Variants in PRKAG2 observed in about 807,000 individuals in gnomAD.
PRKAG2 encodes the protein 5'-AMP-activated protein kinase subunit gamma-2.
In PRKAG2, 26 loss-of-function variants were observed where a neutral mutation model predicts 69.6. The observed-to-expected ratio is 0.37, with a 90% CI of 0.27 to 0.52. The LOEUF (loss-of-function observed/expected upper bound fraction) is 0.52. PRKAG2 is among the 20% of genes least tolerant of loss of function. The pLI is 0.90. For synonymous variants in PRKAG2, 293 were observed against 285.0 expected (o/e 1.03, Z -0.28); for missense variants, 557 against 740.0 (o/e 0.75, Z 2.87).
At chr7:151,815,103 G>C (rs2078601835) in intron 1 of PRKAG2, among the ~76,000 whole-genome samples, 3 of 152,130 alleles carry the variant, frequency 2.0e-5, no homozygotes, top group Non-Finnish European at 2.9e-5. Flanking sequence ...CAAAGATTGT[G>C]GGGGTTTTTT....
intron 4 of PRKAG2, among the ~76,000 whole-genome samples, chr7:151,672,322 C>T (rs1412045409): frequency 6.6e-6 from 1 of 150,630 alleles, no homozygotes; most frequent in African/African-American, 2.4e-5. Flanking sequence ...AGGATGGTCT[C>T]GATCTCTCGT....
At chr7:151,840,104 C>G (rs1251648424) in intron 1 of PRKAG2, among the ~76,000 whole-genome samples, 1 of 152,206 alleles carries the variant, frequency 6.6e-6, no homozygotes, top group Non-Finnish European at 1.5e-5. Context: ...TTACATTTTA[C>G]ATTACGTTTG....
intron 15 of PRKAG2, chr7:151,557,694 A>G: frequency 1.9e-6 from 1 of 514,094 alleles, no homozygotes. Flanking sequence ...ACATGGTGAA[A>G]CCCTGTCTCT....
chr7:151,799,947 T>C (rs1193249867), intron 1 of PRKAG2, among the ~76,000 whole-genome samples: 1 of 152,198 alleles, frequency 6.6e-6, no homozygotes, highest in Non-Finnish European at 1.5e-5. Context: ...TTTAAAATTT[T>C]ACTTTTTAGT....
chr7:151,715,322 CAAAAAAA>C (rs34971340), intron 3 of PRKAG2, among the ~76,000 whole-genome samples: 6 of 62,444 alleles, frequency 9.6e-5, no homozygotes, highest in South Asian at 5.5e-4. Flanking sequence ...GGCCTAAAAG[CAAAAAAA>C]AAAAAAAAAA....
chr7:151,617,384 T>C (rs1820437210), intron 5 of PRKAG2, among the ~76,000 whole-genome samples: 1 of 150,322 alleles, frequency 6.7e-6, no homozygotes, highest in East Asian at 2.0e-4. Flanking sequence ...ATAATCCGAG[T>C]GTGGGGAAGT....
intron 1 of PRKAG2, among the ~76,000 whole-genome samples, chr7:151,815,763 A>G (rs11768925): frequency 0.2 from 30,151 of 152,144 alleles, 3,588 homozygotes; most frequent in Middle Eastern, 0.29. Flanking sequence ...TGGGGCAGAA[A>G]ATGAACTTGA....
At chr7:151,840,736 G>A (rs1469534820) in intron 1 of PRKAG2, among the ~76,000 whole-genome samples, 2 of 152,248 alleles carry the variant, frequency 1.3e-5, no homozygotes, top group Admixed American at 6.5e-5. Context: ...CAGGGGCTCC[G>A]GCCCCAAGCC....
intron 15 of PRKAG2, 88 bp from the exon 16 acceptor site, chr7:151,557,320 G>C: frequency 6.2e-7 from 1 of 1,612,574 alleles, no homozygotes; most frequent in South Asian, 1.1e-5. Flanking sequence ...GTCTGGCAGT[G>C]CCTTAGGAGG....
intron 3 of PRKAG2, among the ~76,000 whole-genome samples, chr7:151,750,626 G>A (rs1032988934): frequency 6.6e-6 from 1 of 152,138 alleles, no homozygotes. Context: ...GAGGGCTAAG[G>A]GATGTGAGGT....
At chr7:151,863,274 A>G (rs1196127281) in intron 1 of PRKAG2, among the ~76,000 whole-genome samples, 3 of 151,924 alleles carry the variant, frequency 2.0e-5, no homozygotes, top group Non-Finnish European at 4.4e-5. Flanking sequence ...TACAGGGAGC[A>G]CTGGTAGCCA....
chr7:151,665,098 C>T (rs904680923), intron 4 of PRKAG2, among the ~76,000 whole-genome samples: 1 of 152,144 alleles, frequency 6.6e-6, no homozygotes. Flanking sequence ...GCAGGATGCA[C>T]CCTTCAATGG....
At chr7:151,769,131 A>G (rs193089297) in intron 3 of PRKAG2, among the ~76,000 whole-genome samples, 70 of 152,344 alleles carry the variant, frequency 4.6e-4, no homozygotes, top group African/African-American at 1.7e-3. Context: ...AAGAGTCACA[A>G]GAAGAAACTA....
Position 151,564,199 on chromosome 7 carries a change from T to C in PRKAG2, c.1463A>G (p.Asn488Ser), listed in dbSNP as rs121908989. 6.2e-7 allele frequency: 1 copy of C among 1,614,166 alleles called. No homozygotes were observed. The highest frequency in any genetic ancestry group is 1.7e-5 in the Admixed American group (1 of 60,032). ...CTGGGTCACCGTGATATCTAGGTTATTGTATGTTTTCTCAGCAGCAAGATT... is the reference window on the plus strand; with the variant it reads ...CTGGGTCACCGTGATATCTAGGTTACTGTATGTTTTCTCAGCAGCAAGATT... ...VINLAAEKTY[N>S]NLDITVTQAL... Residue 488 changes from asparagine (N) to serine (S), a missense_variant, in exon 14 of 16, where the codon AAT (asparagine) becomes AGT (serine). Asn to Ser is a conservative substitution (Grantham distance 46). This residue lies in a region of PRKAG2 where 205 missense variants were observed against 383.4 expected (regional missense o/e 0.53). Coordinates refer to ENST00000287878, the MANE Select transcript of PRKAG2 (RefSeq NM_016203.4).
At chr7:151,578,770 G>A (rs1391262110) in intron 6 of PRKAG2, among the ~76,000 whole-genome samples, 1 of 152,130 alleles carries the variant, frequency 6.6e-6, no homozygotes, top group Non-Finnish European at 1.5e-5. Context: ...TATCAAAAAG[G>A]CACCAAAATA....
intron 3 of PRKAG2, chr7:151,736,441 C>G: frequency 1.1e-6 from 1 of 943,118 alleles, no homozygotes; most frequent in Non-Finnish European, 1.3e-6. Context: ...ACCAGATAGG[C>G]AAAGGAGGCA....
chr7:151,618,850 T>G (rs909736257), intron 5 of PRKAG2, among the ~76,000 whole-genome samples: 21 of 152,180 alleles, frequency 1.4e-4, no homozygotes, highest in African/African-American at 4.6e-4. Context: ...TTAAACATAA[T>G]TTTACAGGAT....
Position 151,777,433 on chromosome 7 carries a change from G to A in PRKAG2, c.466+3719C>T, listed in dbSNP as rs186909578. On this transcript the variant is annotated intron_variant, in intron 3 of 15. Coordinates refer to ENST00000287878, the MANE Select transcript of PRKAG2 (RefSeq NM_016203.4). The surrounding 1 kb of genome is among the most constrained non-coding windows in gnomAD (Gnocchi z 4.3). ...CCGTGGGAGGTGTTTGGGTCCTGGG[G>A]GCAGATGCCTCATGAATGGCTGGGT... Among the ~76,000 whole-genome samples the A allele has an allele frequency of 4.7e-4, 72 of 152,288 alleles. No individual in the cohort carries two copies. Among genetic ancestry groups the A allele is most frequent in the Admixed American group, 8.5e-4 (13 of 15,306 alleles).
At chr7:151,565,113 G>A (rs1256739619) in intron 13 of PRKAG2, among the ~76,000 whole-genome samples, 1 of 152,128 alleles carries the variant, frequency 6.6e-6, no homozygotes, top group Non-Finnish European at 1.5e-5. Flanking sequence ...AAATATGCAT[G>A]TATTGTAAAG....
Sources: gnomAD v4.1 joint callset for allele counts (sites outside exome capture counted in the v4.1 genomes callset) on GRCh38, gnomAD v4.1.1 for gene constraint, gnomAD v4.1.1 regional missense constraint, Gnocchi (gnomAD v3.1) non-coding constraint, MANE v1.5 for transcripts, NCBI Gene and HGNC (gene_info 2026-07-23, HGNC 2026-07-21) for gene names.